The following CSMD3 variants were observed in gnomAD, a reference collection of about 807,000 sequenced individuals.
CSMD3 encodes the protein CUB and sushi domain-containing protein 3.
In CSMD3, 177 loss-of-function variants were observed where a neutral mutation model predicts 435.2. The observed-to-expected ratio is 0.41, with a 90% CI of 0.36 to 0.46. The LOEUF (loss-of-function observed/expected upper bound fraction) is 0.46. Ranked by LOEUF, CSMD3 falls within the 20% of genes least tolerant of loss-of-function variation. The probability of loss-of-function intolerance (pLI) is 0.34; values close to 1 mark genes in which losing one functional copy is unlikely to be tolerated. For missense variants in CSMD3, 4,265 were observed against 4,504.6 expected (o/e 0.95, Z 1.52); for synonymous variants, 1,656 against 1,520.5 (o/e 1.09, Z -2.07).
intron 16 of CSMD3, among the ~76,000 whole-genome samples, chr8:112,678,305 T>C (rs2131759665): frequency 6.6e-6 from 1 of 152,222 alleles, no homozygotes; most frequent in East Asian, 1.9e-4. Flanking sequence ...TGAGTAAAAA[T>C]TTTGGAAAGA....
At chr8:113,071,268 C>G (rs550665292) in intron 5 of CSMD3, among the ~76,000 whole-genome samples, 17 of 151,970 alleles carry the variant, frequency 1.1e-4, no homozygotes, top group Non-Finnish European at 1.6e-4. Flanking sequence ...TATTTCTCCT[C>G]GTTCTGCAGC....
intron 17 of CSMD3, among the ~76,000 whole-genome samples, chr8:112,659,144 C>T (rs1245089658): frequency 0.016 from 2,429 of 152,162 alleles, 62 homozygotes; most frequent in African/African-American, 0.055. Flanking sequence ...AGAATAGCAA[C>T]ATTAACTGGT....
intron 27 of CSMD3, among the ~76,000 whole-genome samples, chr8:112,534,516 T>C (rs1016589021): frequency 6.6e-6 from 1 of 152,102 alleles, no homozygotes; most frequent in African/African-American, 2.4e-5. Context: ...AATTACAGGC[T>C]CTGAAATTGT....
At chr8:112,626,134 A>G (rs1355861159) in intron 22 of CSMD3, among the ~76,000 whole-genome samples, 1 of 152,136 alleles carries the variant, frequency 6.6e-6, no homozygotes, top group African/African-American at 2.4e-5. Flanking sequence ...AGAAATGATA[A>G]TGAAAAAATG....
chr8:113,422,226 G>A (rs931731881), intron 1 of CSMD3, among the ~76,000 whole-genome samples: 12 of 152,046 alleles, frequency 7.9e-5, no homozygotes, highest in Admixed American at 3.9e-4. Context: ...AATTCTACGC[G>A]TTTTTCCTCT....
chr8:112,739,591 C>T (rs544798737), intron 13 of CSMD3, among the ~76,000 whole-genome samples: 21 of 151,708 alleles, frequency 1.4e-4, no homozygotes, highest in Non-Finnish European at 2.7e-4. Flanking sequence ...AGTCTTTTAA[C>T]TTCTTTGAGT....
intron 6 of CSMD3, among the ~76,000 whole-genome samples, chr8:112,992,297 G>A (rs2085485287): frequency 6.6e-6 from 1 of 150,660 alleles, no homozygotes; most frequent in Non-Finnish European, 1.5e-5. Context: ...AGTGTTGGAT[G>A]TATTCTAGGA....
At position 112,743,296 on chromosome 8, in the gene CSMD3, C is replaced by CAA. The variant is rs372456900; in HGVS notation, c.1973-53248_1973-53247dup. Among the ~76,000 whole-genome samples the CAA allele has an allele frequency of 3.7e-3, 523 of 141,230 alleles. 3 individuals carry two copies. The highest frequency in any genetic ancestry group is 0.013 in the African/African-American group (502 of 39,820). 92.7% of individuals were successfully genotyped at this position (141,230 alleles called of 152,430 possible). A position where few individuals can be genotyped will look rare whatever the true frequency, so the allele number is the denominator to read the frequency against. On this transcript the variant is annotated intron_variant, in intron 13 of 70. Transcript: ENST00000297405. ...CAGTAATTAAGGCTTACATTCTCACCAAAAAAAAAAAATAAATAAATAAAA... is the reference window on the plus strand; with the variant it reads ...CAGTAATTAAGGCTTACATTCTCACCAAAAAAAAAAAAAATAAATAAATAAAA...
chr8:113,260,430 G>T (rs952889547), intron 3 of CSMD3, among the ~76,000 whole-genome samples: 7 of 152,034 alleles, frequency 4.6e-5, no homozygotes, highest in Non-Finnish European at 8.8e-5. Context: ...CTATGTGTGG[G>T]GGTATCATCA....
At chr8:112,479,544 A>C (rs1819418626) in intron 31 of CSMD3, among the ~76,000 whole-genome samples, 1 of 152,184 alleles carries the variant, frequency 6.6e-6, no homozygotes, top group African/African-American at 2.4e-5. Flanking sequence ...AGTTTCCTGT[A>C]CCAGGCCCAT....
At chr8:112,540,236 A>G (rs1826530613) in intron 27 of CSMD3, among the ~76,000 whole-genome samples, 1 of 152,060 alleles carries the variant, frequency 6.6e-6, no homozygotes, top group Admixed American at 6.6e-5. Flanking sequence ...ACAACGAGAT[A>G]TTATCTCACG....
At position 112,599,570 on chromosome 8, in the gene CSMD3, G is replaced by A. The variant is rs1223660171; in HGVS notation, c.3716-12335C>T. Among the ~76,000 whole-genome samples, 12 of 151,774 alleles carry A rather than the reference G, an allele frequency of 7.9e-5. No individual in the cohort carries two copies. The South Asian group carries it at 1.7e-3, about 21-fold the overall frequency. ...TGCTGCTATAAAGACACATGCACAC[G>A]TATGTTTATTGCGGCATTATTCACA... On this transcript the variant is annotated intron_variant, in intron 22 of 70. Transcript: ENST00000297405.
intron 5 of CSMD3, among the ~76,000 whole-genome samples, chr8:113,087,375 A>G (rs1041468578): frequency 1.2e-4 from 19 of 152,004 alleles, no homozygotes; most frequent in African/African-American, 4.3e-4. Context: ...TTCATATGGA[A>G]CCAAAAAAGA....
chr8:113,195,869 C>A (rs544296011), intron 3 of CSMD3, among the ~76,000 whole-genome samples: 2 of 147,374 alleles, frequency 1.4e-5, no homozygotes, highest in South Asian at 4.3e-4. Context: ...ATATAGTGCT[C>A]AGTGTTAAGG....
intron 13 of CSMD3, among the ~76,000 whole-genome samples, chr8:112,698,162 A>T (rs182982899): frequency 2.0e-5 from 3 of 150,890 alleles, no homozygotes; most frequent in African/African-American, 7.2e-5. Context: ...GAAGGTTGAG[A>T]ATCAGAAATA....
Position 112,415,566 on chromosome 8 carries a change from T to G in CSMD3, c.5396-6534A>C, listed in dbSNP as rs189192379. On this transcript the variant is annotated intron_variant, in intron 32 of 70. Coordinates refer to ENST00000297405, the MANE Select transcript of CSMD3 (RefSeq NM_198123.2). The stretch of plus-strand genomic sequence containing the variant: ...ACTGGGGCACTGCCTAGTGGAGCTA[T>G]GAGAAGAGGGCCACCGTCCTCCAGA... Among the ~76,000 whole-genome samples, 165 of 152,268 alleles carry G rather than the reference T, an allele frequency of 1.1e-3. 1 individual carries two copies. Among genetic ancestry groups the G allele is most frequent in the African/African-American group, 3.9e-3 (160 of 41,546 alleles).
At chr8:112,558,383 C>G (rs1315701439) in intron 24 of CSMD3, among the ~76,000 whole-genome samples, 1 of 151,922 alleles carries the variant, frequency 6.6e-6, no homozygotes, top group Non-Finnish European at 1.5e-5. Context: ...AACAAACAGG[C>G]TTGCTGGGTT....
intron 1 of CSMD3, among the ~76,000 whole-genome samples, chr8:113,327,263 T>C (rs895883693): frequency 6.6e-6 from 1 of 152,194 alleles, no homozygotes; most frequent in Non-Finnish European, 1.5e-5. Context: ...TGATAACATA[T>C]TACTTTTTGA....
intron 13 of CSMD3, among the ~76,000 whole-genome samples, chr8:112,724,403 A>C (rs1381597106): frequency 6.6e-6 from 1 of 152,050 alleles, no homozygotes; most frequent in East Asian, 1.9e-4. Flanking sequence ...AATTCCAGAC[A>C]TGTTTTCAAA....
Sources: gnomAD v4.1 joint callset for allele counts (sites outside exome capture counted in the v4.1 genomes callset) on GRCh38, gnomAD v4.1.1 for gene constraint, MANE v1.5 for transcripts, NCBI Gene and HGNC (gene_info 2026-07-23, HGNC 2026-07-21) for gene names.